WWOX: variants seen among roughly 807,000 people sequenced by gnomAD.
WWOX encodes WW domain-containing oxidoreductase.
Under a neutral mutation model 46.2 loss-of-function variants are expected in WWOX, and 69 were observed. The ratio of observed to expected loss-of-function variants is 1.49; its 90% CI spans 1.23 to 1.82. The LOEUF (loss-of-function observed/expected upper bound fraction) is 1.82. WWOX is among the 40% of genes most tolerant of loss of function. WWOX has a pLI of 0.00. For synonymous variants in WWOX, 359 were observed against 202.6 expected, an observed-to-expected ratio of 1.77 and a Z score of -6.56; for missense variants, 919 against 542.6, an observed-to-expected ratio of 1.69 and a Z score of -6.89.
rs183971929 is a variant in WWOX, at chr16:78,479,740, G to C, written c.1056+46988G>C. Among the ~76,000 whole-genome samples, 22 of 152,290 alleles carry C rather than the reference G, an allele frequency of 1.4e-4. No individual in the cohort carries two copies. The Middle Eastern group carries it at 0.01, about 71-fold the overall frequency. Reference sequence around the variant, plus strand: ...GACACGAAATATAGTGACAGCCTCTGGCCTGGGAGTCTAGACAGTGGTCAA... The same window carrying C: ...GACACGAAATATAGTGACAGCCTCTCGCCTGGGAGTCTAGACAGTGGTCAA... On this transcript the variant is annotated intron_variant, in intron 8 of 8. Transcript: ENST00000566780.
intron 8 of WWOX, among the ~76,000 whole-genome samples, chr16:78,909,679 A>G (rs1000295919): frequency 7.9e-5 from 12 of 152,144 alleles, no homozygotes; most frequent in African/African-American, 1.9e-4. Flanking sequence ...TCCCACTAAT[A>G]TATTTCTTAC....
At chr16:79,211,318 C>T (rs774422877) in intron 8 of WWOX, among the ~76,000 whole-genome samples, 4 of 152,194 alleles carry the variant, frequency 2.6e-5, no homozygotes, top group Non-Finnish European at 5.9e-5. Flanking sequence ...GGAAGAGGCG[C>T]CTGCCACGAC....
chr16:78,490,526 A>T (rs150424160), intron 8 of WWOX, among the ~76,000 whole-genome samples: 1 of 152,148 alleles, frequency 6.6e-6, no homozygotes, highest in Non-Finnish European at 1.5e-5. Flanking sequence ...GTTGTTTTCA[A>T]TGCTGGGCTA....
intron 5 of WWOX, among the ~76,000 whole-genome samples, chr16:78,317,614 C>T (rs149844811): frequency 9.9e-5 from 15 of 152,116 alleles, no homozygotes; most frequent in Middle Eastern, 6.8e-3. Flanking sequence ...CACACACTTG[C>T]GTAAAGTGAG....
chr16:79,012,355 C>A (rs1039135738), intron 8 of WWOX, among the ~76,000 whole-genome samples: 1 of 152,132 alleles, frequency 6.6e-6, no homozygotes, highest in Non-Finnish European at 1.5e-5. Flanking sequence ...ACCTCAGCCT[C>A]CCGAGTAGCT....
intron 6 of WWOX, among the ~76,000 whole-genome samples, chr16:78,398,218 T>C (rs1340928352): frequency 6.6e-6 from 1 of 152,056 alleles, no homozygotes; most frequent in Non-Finnish European, 1.5e-5. Context: ...GACCTGCAAA[T>C]AGCTACACTT....
chr16:78,960,872 C>T (rs1597209336), intron 8 of WWOX, among the ~76,000 whole-genome samples: 1 of 152,318 alleles, frequency 6.6e-6, no homozygotes, highest in Non-Finnish European at 1.5e-5. Context: ...ACATACATAG[C>T]TCTTTTGAAG....
rs59706959 is a variant in WWOX, at chr16:78,254,502, G to GTTTT, written c.516+90227_516+90230dup. 1.6e-3 allele frequency among the ~76,000 whole-genome samples: 147 copies of GTTTT among 91,630 alleles called. 1 individual carries two copies. Among genetic ancestry groups the GTTTT allele is most frequent in the Middle Eastern group, 0.011 (1 of 94 alleles). 60.1% of individuals were successfully genotyped at this position (91,630 alleles called of 152,430 possible). On this transcript the variant is annotated intron_variant, in intron 5 of 8. Transcript: ENST00000566780. ...CACTTTTCTTTTTCTTTTCTTTCTT[G>GTTTT]TTTTTTTTTTTTTTTTTGTTTGACA...
intron 8 of WWOX, among the ~76,000 whole-genome samples, chr16:78,659,310 C>G (rs751124242): frequency 2.0e-5 from 3 of 152,006 alleles, no homozygotes; most frequent in Middle Eastern, 3.2e-3. Flanking sequence ...TTCAGTTGCA[C>G]AGCCTGAGCT....
At position 78,343,111 on chromosome 16, in the gene WWOX, A is replaced by G. The variant is rs1300240470; in HGVS notation, c.517-43749A>G. Among the ~76,000 whole-genome samples, 7 of 120,530 alleles carry G rather than the reference A, an allele frequency of 5.8e-5. 2 individuals carry two copies. Among genetic ancestry groups the G allele is most frequent in the Non-Finnish European group, 1.4e-4 (7 of 50,476 alleles). 79.1% of individuals were successfully genotyped at this position (120,530 alleles called of 152,430 possible). On this transcript the variant is annotated intron_variant, in intron 5 of 8. Coordinates refer to ENST00000566780, the MANE Select transcript of WWOX (RefSeq NM_016373.4). ...TTGTTTTTCTTTTGTTTTCTTGTCAACATAAGCCTCATGAGACAACAGCAG... is the reference window on the plus strand; with the variant it reads ...TTGTTTTTCTTTTGTTTTCTTGTCAGCATAAGCCTCATGAGACAACAGCAG...
intron 8 of WWOX, among the ~76,000 whole-genome samples, chr16:79,098,205 A>G (rs1189382643): frequency 2.0e-5 from 3 of 152,188 alleles, no homozygotes; most frequent in African/African-American, 7.2e-5. Context: ...ATCCAGAGAG[A>G]CATTCATTTG....
chr16:78,950,517 AACACACACACACACAT>A (rs1259755773), intron 8 of WWOX, among the ~76,000 whole-genome samples: 3 of 105,152 alleles, frequency 2.9e-5, no homozygotes, highest in East Asian at 5.5e-4. Flanking sequence ...CTATTAAAGG[AACACACACACACACAT>A]ACACACACAC....
intron 8 of WWOX, among the ~76,000 whole-genome samples, chr16:79,028,295 A>C (rs1278589479): frequency 1.3e-5 from 2 of 151,788 alleles, no homozygotes; most frequent in African/African-American, 4.9e-5. Flanking sequence ...GTGTCTGGCA[A>C]ATGGAAAGTT....
intron 8 of WWOX, chr16:78,896,413 G>A (rs376139200): frequency 6.6e-6 from 1 of 152,122 alleles, no homozygotes; most frequent in Admixed American, 6.5e-5. Context: ...CCTGAATCGT[G>A]TATTCTACAT....
At chr16:78,521,528 T>A (rs2043347823) in intron 8 of WWOX, among the ~76,000 whole-genome samples, 1 of 152,198 alleles carries the variant, frequency 6.6e-6, no homozygotes, top group African/African-American at 2.4e-5. Context: ...TGTGTTTAGG[T>A]TTCCTCCTTC....
At chr16:79,065,343 C>G (rs1184589848) in intron 8 of WWOX, among the ~76,000 whole-genome samples, 1 of 152,106 alleles carries the variant, frequency 6.6e-6, no homozygotes, top group East Asian at 1.9e-4. Context: ...ATCAGCCTCC[C>G]CGAAAATTTG....
chr16:78,575,047 A>AGC (rs2044832841), intron 8 of WWOX, among the ~76,000 whole-genome samples: 1 of 8,726 alleles, frequency 1.1e-4, no homozygotes, highest in African/African-American at 3.8e-4. Flanking sequence ...ATATATATAT[A>AGC]TATATATATA....
rs370581408 is a variant in WWOX, at chr16:79,027,135, C to T, written c.1057-184473C>T. Among the ~76,000 whole-genome samples, 7 of 151,334 alleles carry T rather than the reference C, an allele frequency of 4.6e-5. 1 individual carries two copies. Among genetic ancestry groups the T allele is most frequent in the African/African-American group, 1.7e-4 (7 of 40,886 alleles). ...TCTCTACAAAAAATAAAATAATTAGCTGGGCATGGTGGTACATGCCTGTAG... is the reference window on the plus strand; with the variant it reads ...TCTCTACAAAAAATAAAATAATTAGTTGGGCATGGTGGTACATGCCTGTAG... On this transcript the variant is annotated intron_variant, in intron 8 of 8. Transcript: ENST00000566780.
At chr16:78,820,329 C>T (rs894673464) in intron 8 of WWOX, among the ~76,000 whole-genome samples, 2 of 152,210 alleles carry the variant, frequency 1.3e-5, no homozygotes, top group African/African-American at 4.8e-5. Context: ...GTTGCATGCC[C>T]TCCAACAGTG....
Sources: allele counts gnomAD v4.1 joint callset (sites outside exome capture counted in the v4.1 genomes callset), GRCh38; gene constraint gnomAD v4.1.1; transcripts MANE v1.5; gene names NCBI Gene and HGNC (gene_info 2026-07-23, HGNC 2026-07-21).